ARHGAP39: variants seen among roughly 807,000 people sequenced by gnomAD.
The protein encoded by ARHGAP39 is Rho GTPase activating protein 39.
A neutral mutation model predicts 106.9 loss-of-function variants in ARHGAP39; 44 were observed. The ratio of observed to expected loss-of-function variants is 0.41; its 90% CI spans 0.32 to 0.53. ARHGAP39 has a LOEUF of 0.53. Ranked by LOEUF, ARHGAP39 falls within the 20% of genes least tolerant of loss-of-function variation. The pLI, the probability that ARHGAP39 is intolerant of heterozygous loss-of-function variation, is 0.21. For synonymous variants in ARHGAP39, 768 were observed against 693.2 expected (o/e 1.11, Z -1.69); for missense variants, 1,496 against 1,577.3 (o/e 0.95, Z 0.87).
the ARHGAP39 span, among the ~76,000 whole-genome samples, chr8:144,697,956 C>T: frequency 6.6e-6 from 1 of 152,212 alleles, no homozygotes; most frequent in Middle Eastern, 3.4e-3. Flanking sequence ...CAATATTAAA[C>T]ATAGAGATCT....
chr8:144,597,600 CA>C (rs1188948816), intron 2 of ARHGAP39, among the ~76,000 whole-genome samples: 2 of 152,160 alleles, frequency 1.3e-5, no homozygotes, highest in Non-Finnish European at 2.9e-5. Flanking sequence ...AACCCAGGAT[CA>C]GGGGGTCAAG....
At position 144,585,001 on chromosome 8, in the gene ARHGAP39, C is replaced by A. The variant is rs1417412028; in HGVS notation, c.81-3724G>T. Among the ~76,000 whole-genome samples, 1 of 152,188 alleles carries A rather than the reference C, an allele frequency of 6.6e-6. No individual in the cohort carries two copies. The highest frequency in any genetic ancestry group is 1.5e-5 in the Non-Finnish European group (1 of 68,042). ...GAGAATCACCTCTTTGTTGGCTCTGCAAGGAGCCTGTGGATGGATTTAAGG... is the reference window on the plus strand; with the variant it reads ...GAGAATCACCTCTTTGTTGGCTCTGAAAGGAGCCTGTGGATGGATTTAAGG... On this transcript the variant is annotated intron_variant, in intron 2 of 11. Coordinates refer to ENST00000377307, the MANE Select transcript of ARHGAP39 (RefSeq NM_025251.3). The surrounding 1 kb of genome is among the most constrained non-coding windows in gnomAD (Gnocchi z 4.6).
rs899711166 is a variant in ARHGAP39 at position 144,547,504 on chromosome 8, G to A, written c.1582C>T (p.Pro528Ser). The change falls in exon 5 of 12, where the codon CCG becomes TCG. Residue 528 changes from proline (P) to serine (S), a missense_variant. Coordinates refer to ENST00000377307, the MANE Select transcript of ARHGAP39 (RefSeq NM_025251.3). The surrounding 1 kb of genome is among the most constrained non-coding windows in gnomAD (Gnocchi z 5.2). Reference sequence around the variant, plus strand: ...ACGGGGGCGAGGCTGGTCCCGCACGGGGGCTGTTCCTCGGCCAGGGGCTGC... The same window carrying A: ...ACGGGGGCGAGGCTGGTCCCGCACGAGGGCTGTTCCTCGGCCAGGGGCTGC... ...VEQPLAEEQP[P>S]CGTSLAPVKR... The A allele has an allele frequency of 4.0e-6, 6 of 1,502,390 alleles. No individual in the cohort carries two copies. The African/African-American group carries it at 8.3e-5, about 21-fold the overall frequency. The allele number at this position is 1,502,390 out of a possible 1,614,324, so 93.1% of individuals were successfully genotyped here.
At chr8:144,563,836 T>C (rs906781747) in intron 3 of ARHGAP39, among the ~76,000 whole-genome samples, 12 of 152,204 alleles carry the variant, frequency 7.9e-5, no homozygotes, top group African/African-American at 1.9e-4. Context: ...GCACAATTAA[T>C]GACTTTGGAA....
intron 3 of ARHGAP39, among the ~76,000 whole-genome samples, chr8:144,558,090 C>T (rs972217472): frequency 5.9e-5 from 9 of 152,092 alleles, no homozygotes; most frequent in Non-Finnish European, 1.0e-4. Flanking sequence ...TTTATTAAAG[C>T]AACAGTAACA....
At chr8:144,595,195 C>T (rs111896091) in intron 2 of ARHGAP39, among the ~76,000 whole-genome samples, 8,739 of 152,242 alleles carry the variant, frequency 0.057, 399 homozygotes, top group African/African-American at 0.12. Flanking sequence ...ACAGAGCAAA[C>T]GTCCTTCAAC....
chr8:144,605,521 G>T lies in ARHGAP39; in HGVS notation c.80+14C>A. ...TGAGGCCCGGGCAGCTCCGCAGGTCGGTCGGCTCCTTACCGAGTGTTCGAC... is the reference window on the plus strand; with the variant it reads ...TGAGGCCCGGGCAGCTCCGCAGGTCTGTCGGCTCCTTACCGAGTGTTCGAC... On this transcript the variant is annotated intron_variant, in intron 2 of 11. Coordinates refer to ENST00000377307, the MANE Select transcript of ARHGAP39 (RefSeq NM_025251.3). 1 of 1,613,610 alleles carries T rather than the reference G, an allele frequency of 6.2e-7. No individual in the cohort carries two copies. Among genetic ancestry groups the T allele is most frequent in the Non-Finnish European group, 8.5e-7 (1 of 1,179,836 alleles).
intron 1 of ARHGAP39, among the ~76,000 whole-genome samples, chr8:144,616,921 A>C (rs1381729231): frequency 6.6e-6 from 1 of 152,282 alleles, no homozygotes; most frequent in African/African-American, 2.4e-5. Context: ...CTATTTTAAA[A>C]CAAAACAATG....
At chr8:144,692,037 G>A in the ARHGAP39 span, among the ~76,000 whole-genome samples, 1 of 152,066 alleles carries the variant, frequency 6.6e-6, no homozygotes, top group Non-Finnish European at 1.5e-5. Context: ...TAAAACTGAA[G>A]AGGACTCACT....
Position 144,638,105 on chromosome 8 carries a change from C to T in ARHGAP39, c.-81-32410G>A, listed in dbSNP as rs144292536. Among the ~76,000 whole-genome samples the T allele has an allele frequency of 1.5e-3, 227 of 152,242 alleles. 2 individuals carry two copies. The East Asian group carries it at 0.023, about 15-fold the overall frequency. ...TCTGTTTTATCTGAAAATGTCATTT[C>T]ACCTTTGATGTTAAAAGATAATTTT... is the stretch of plus-strand genomic sequence containing the variant. On this transcript the variant is annotated intron_variant, in intron 1 of 11. Transcript: ENST00000377307.
intron 1 of ARHGAP39, among the ~76,000 whole-genome samples, chr8:144,616,193 G>A (rs947399961): frequency 3.9e-5 from 6 of 152,254 alleles, no homozygotes; most frequent in African/African-American, 1.4e-4. Flanking sequence ...GTTCCTGAGA[G>A]AGGCAGTCTG....
chr8:144,586,855 A>T lies in ARHGAP39; in HGVS notation c.81-5578T>A, dbSNP rs545604153. On this transcript the variant is annotated intron_variant, in intron 2 of 11. Transcript: ENST00000377307. The surrounding 1 kb of genome is among the most constrained non-coding windows in gnomAD (Gnocchi z 4.2). ...CCCTACATGGCTGCACGCCCATCTC[A>T]TACACCAGGATGGGCAATGATATGG... 6.6e-6 allele frequency among the ~76,000 whole-genome samples: 1 copy of T among 152,044 alleles called. No homozygotes were observed. Among genetic ancestry groups the T allele is most frequent in the African/African-American group, 2.4e-5 (1 of 41,382 alleles).
rs201172700 is a variant in ARHGAP39 at position 144,580,869 on chromosome 8, C to T, written c.489G>A (p.Gly163=). The T allele has an allele frequency of 3.2e-6, 5 of 1,578,868 alleles. No individual in the cohort carries two copies. The highest frequency in any genetic ancestry group is 4.3e-6 in the Non-Finnish European group (5 of 1,169,230). ...ACCTGCCGCTGTCCTCCTTCACTGTCCCAAACGCCGCGGGCCGCCCGGCCC... is the reference window on the plus strand; with the variant it reads ...ACCTGCCGCTGTCCTCCTTCACTGTTCCAAACGCCGCGGGCCGCCCGGCCC... ...PARAGRPAAF[G]TVKEDSGSSS... The change falls in exon 3 of 12, where the codon GGG becomes GGA. Residue 163 remains glycine, a synonymous_variant. Coordinates refer to ENST00000377307, the MANE Select transcript of ARHGAP39 (RefSeq NM_025251.3).
chr8:144,556,007 C>T (rs1173369573), intron 3 of ARHGAP39, among the ~76,000 whole-genome samples: 2 of 152,200 alleles, frequency 1.3e-5, no homozygotes, highest in African/African-American at 4.8e-5. Flanking sequence ...CCTTGGAGAC[C>T]AGGCACGGTG....
In ARHGAP39 at chr8:144,604,650, G is replaced by A. The variant is rs890961680; in HGVS notation, c.80+885C>T. Among the ~76,000 whole-genome samples, 1 of 152,176 alleles carries A rather than the reference G, an allele frequency of 6.6e-6. No individual in the cohort carries two copies. Among genetic ancestry groups the A allele is most frequent in the Non-Finnish European group, 1.5e-5 (1 of 68,044 alleles). On this transcript the variant is annotated intron_variant, in intron 2 of 11. Coordinates refer to ENST00000377307, the MANE Select transcript of ARHGAP39 (RefSeq NM_025251.3). The surrounding 1 kb of genome is among the most constrained non-coding windows in gnomAD (Gnocchi z 4.1). ...CTTAAAAATATCAATGTGACAACAG[G>A]CAGAGAAAAGCTGTGGAATTCTTCC...
intron 1 of ARHGAP39, among the ~76,000 whole-genome samples, chr8:144,608,788 C>T (rs1820385672): frequency 6.6e-6 from 1 of 152,104 alleles, no homozygotes; most frequent in African/African-American, 2.4e-5. Flanking sequence ...TTTTAGTGTA[C>T]AAATCTTGCA....
At position 144,667,488 on chromosome 8, in the gene ARHGAP39, G is replaced by A. The variant is rs150044541; in HGVS notation, c.-82+18198C>T. 5.2e-3 allele frequency among the ~76,000 whole-genome samples: 789 copies of A among 152,154 alleles called. 5 individuals are homozygous for A. Among genetic ancestry groups the A allele is most frequent in the African/African-American group, 0.017 (725 of 41,494 alleles). ...ACATGTCACGTGTCTGCTTTTCCCTGCCCTGGGAGAACATAAGCTCCAAGA... is the reference window on the plus strand; with the variant it reads ...ACATGTCACGTGTCTGCTTTTCCCTACCCTGGGAGAACATAAGCTCCAAGA... On this transcript the variant is annotated intron_variant, in intron 1 of 11. Coordinates refer to ENST00000377307, the MANE Select transcript of ARHGAP39 (RefSeq NM_025251.3).
chr8:144,616,485 C>T (rs1488683373), intron 1 of ARHGAP39, among the ~76,000 whole-genome samples: 1 of 152,200 alleles, frequency 6.6e-6, no homozygotes, highest in African/African-American at 2.4e-5. Flanking sequence ...CTGCTTGTGT[C>T]CTAGGAGGCC....
intron 3 of ARHGAP39, among the ~76,000 whole-genome samples, chr8:144,568,897 T>C (rs1399117105): frequency 4.0e-5 from 6 of 149,364 alleles, no homozygotes; most frequent in East Asian, 3.9e-4. Context: ...GAAAAAGGGA[T>C]TGAGAACAAA....
Sources: allele counts gnomAD v4.1 joint callset (sites outside exome capture counted in the v4.1 genomes callset), GRCh38; gene constraint gnomAD v4.1.1; non-coding constraint Gnocchi (gnomAD v3.1); transcripts MANE v1.5; gene names NCBI Gene and HGNC (gene_info 2026-07-23, HGNC 2026-07-21).